The following SNX29 variants were observed in gnomAD, a reference collection of about 807,000 sequenced individuals.
The protein encoded by SNX29 is sorting nexin-29.
Under a neutral mutation model 102.1 loss-of-function variants are expected in SNX29, and 78 were observed. The observed-to-expected ratio is 0.76, with a 90% confidence interval of 0.64 to 0.92. The LOEUF is 0.92. SNX29 is among the 40% of genes least tolerant of loss of function. The pLI, the probability that SNX29 is intolerant of heterozygous loss-of-function variation, is 0.00. For missense variants in SNX29, 1,280 were observed against 1,061.7 expected, an observed-to-expected ratio of 1.21 and a Z score of -2.86; for synonymous variants, 580 against 414.5, an observed-to-expected ratio of 1.40 and a Z score of -4.85.
intron 14 of SNX29, among the ~76,000 whole-genome samples, chr16:12,229,209 C>A (rs983617305): frequency 1.3e-5 from 2 of 152,242 alleles, no homozygotes; most frequent in Non-Finnish European, 2.9e-5. Flanking sequence ...AGTCTGTAAG[C>A]TCCCTGGTAG....
At chr16:12,023,152 C>T (rs2057080719) in intron 3 of SNX29, among the ~76,000 whole-genome samples, 1 of 152,058 alleles carries the variant, frequency 6.6e-6, no homozygotes, top group Non-Finnish European at 1.5e-5. Context: ...CTGCCTTGGC[C>T]TCCCAAAGTG....
At chr16:12,398,574 A>G (rs2083807971) in intron 17 of SNX29, 73 bp downstream of exon 17, 2 of 1,527,648 alleles carry the variant, frequency 1.3e-6, no homozygotes, top group African/African-American at 2.7e-5. Context: ...GTCCCAGAAG[A>G]CCACAGGGGG....
At chr16:12,539,677 C>T (rs551995590) in intron 20 of SNX29, among the ~76,000 whole-genome samples, 8 of 152,204 alleles carry the variant, frequency 5.3e-5, no homozygotes, top group African/African-American at 1.7e-4. Context: ...CCCAGTTGCT[C>T]TGCACCCTGG....
intron 15 of SNX29, among the ~76,000 whole-genome samples, chr16:12,310,030 G>C (rs1254133544): frequency 3.2e-5 from 3 of 95,094 alleles, no homozygotes; most frequent in Non-Finnish European, 6.2e-5. Flanking sequence ...TTGCACACAT[G>C]GATGTGTGCA....
chr16:12,392,295 T>C (rs901619453), intron 16 of SNX29, among the ~76,000 whole-genome samples: 14 of 152,340 alleles, frequency 9.2e-5, no homozygotes, highest in African/African-American at 3.4e-4. Context: ...CCCTAAGTGG[T>C]ATTGCAACAA....
intron 18 of SNX29, among the ~76,000 whole-genome samples, chr16:12,408,089 T>C (rs1164452666): frequency 1.3e-5 from 2 of 151,688 alleles, no homozygotes; most frequent in South Asian, 2.1e-4. Flanking sequence ...GCCCAGGAGT[T>C]TGAGATTGCA....
intron 16 of SNX29, among the ~76,000 whole-genome samples, chr16:12,385,878 G>A (rs1336982002): frequency 6.6e-6 from 1 of 152,224 alleles, no homozygotes; most frequent in Admixed American, 6.5e-5. Flanking sequence ...GGACCAACGG[G>A]ATGTGCAGCC....
At chr16:12,542,486 C>T (rs1039661589) in intron 20 of SNX29, among the ~76,000 whole-genome samples, 1 of 152,200 alleles carries the variant, frequency 6.6e-6, no homozygotes, top group African/African-American at 2.4e-5. Context: ...GACCCACTAC[C>T]ACACCTGGCT....
chr16:12,357,098 T>G (rs570502826), intron 16 of SNX29, among the ~76,000 whole-genome samples: 63 of 152,382 alleles, frequency 4.1e-4, no homozygotes, highest in Non-Finnish European at 5.9e-5. Flanking sequence ...CATCTAACAC[T>G]TGTCCTTTTG....
Position 12,573,023 on chromosome 16 carries a change from G to A in SNX29, c.*4394G>A, listed in dbSNP as rs1008738381. ...TACTGTTAAATATTTGCTGTTTTTAGATTGGCGTCCGTGCTAATTCTGCAG... is the reference window on the plus strand; with the variant it reads ...TACTGTTAAATATTTGCTGTTTTTAAATTGGCGTCCGTGCTAATTCTGCAG... On this transcript the variant is annotated 3_prime_UTR_variant, in exon 21 of 21. Transcript: ENST00000566228. 3.6e-6 allele frequency: 1 copy of A among 275,558 alleles called. No individual in the cohort carries two copies. Among genetic ancestry groups the A allele is most frequent in the African/African-American group, 2.2e-5 (1 of 45,924 alleles). The allele number at this position is 275,558 out of a possible 1,614,324, so 17.1% of individuals were successfully genotyped here.
Position 12,568,776 on chromosome 16 carries a change from C to G in SNX29, c.*147C>G, listed in dbSNP as rs944998670. 6 of 1,237,836 alleles carry G rather than the reference C, an allele frequency of 4.8e-6. No individual in the cohort carries two copies. The South Asian group carries it at 6.1e-5, about 13-fold the overall frequency. The allele number at this position is 1,237,836 out of a possible 1,614,324, so 76.7% of individuals were successfully genotyped here. On this transcript the variant is annotated 3_prime_UTR_variant, in exon 21 of 21. Transcript: ENST00000566228. The stretch of plus-strand genomic sequence containing the variant: ...CGATTCCCAACAGTTACACAACACC[C>G]CGATTAAACTAATCAGTCTTCGAGC...
At chr16:12,417,880 T>C (rs16959556) in intron 18 of SNX29, among the ~76,000 whole-genome samples, 82,469 of 151,586 alleles carry the variant, frequency 0.54, 23,247 homozygotes, top group Non-Finnish European at 0.62. Flanking sequence ...AAGCGCTGTA[T>C]GCCGACAGCG....
At chr16:12,439,331 G>T (rs77140129) in intron 18 of SNX29, among the ~76,000 whole-genome samples, 6 of 152,260 alleles carry the variant, frequency 3.9e-5, no homozygotes, top group Admixed American at 2.0e-4. Context: ...GGGAGTAGTG[G>T]GTCCTGATTT....
chr16:12,091,649 T>C (rs1049962552), intron 11 of SNX29, among the ~76,000 whole-genome samples: 1 of 151,680 alleles, frequency 6.6e-6, no homozygotes, highest in Non-Finnish European at 1.5e-5. Flanking sequence ...GACTTGGTGG[T>C]GCGTGCCTGT....
At chr16:12,001,595 G>GTA (rs755311711) in intron 2 of SNX29, among the ~76,000 whole-genome samples, 101 of 151,742 alleles carry the variant, frequency 6.7e-4, no homozygotes, top group Admixed American at 4.1e-3. Flanking sequence ...AAAATTATAT[G>GTA]TATATACACA....
At chr16:12,555,377 C>T (rs1182785076) in intron 20 of SNX29, among the ~76,000 whole-genome samples, 2 of 152,212 alleles carry the variant, frequency 1.3e-5, no homozygotes, top group South Asian at 2.1e-4. Context: ...GAGGCGCTCC[C>T]TGTCTTTCCC....
chr16:12,240,185 A>G (rs1417989239), intron 14 of SNX29, among the ~76,000 whole-genome samples: 3 of 152,184 alleles, frequency 2.0e-5, no homozygotes, highest in Admixed American at 6.5e-5. Context: ...TGATCTTTAT[A>G]TCCACATTTT....
At chr16:12,183,165 A>G (rs1363763248) in intron 13 of SNX29, among the ~76,000 whole-genome samples, 1 of 151,950 alleles carries the variant, frequency 6.6e-6, no homozygotes, top group Admixed American at 6.6e-5. Context: ...ACACTGGGCT[A>G]ATTTTAAATT....
chr16:12,451,872 T>C lies in SNX29; in HGVS notation c.2038-25847T>C, dbSNP rs116563365. 9.1e-3 allele frequency among the ~76,000 whole-genome samples: 1,386 copies of C among 152,228 alleles called. 29 individuals are homozygous for C. The highest frequency in any genetic ancestry group is 0.032 in the African/African-American group (1,316 of 41,546). ...GAGCAAGACTTCATCTAAAAATAAA[T>C]AAACAAACAGATGGTTTCTAACCAA... On this transcript the variant is annotated intron_variant, in intron 18 of 20. Transcript: ENST00000566228.
Sources: gnomAD v4.1 joint callset for allele counts (sites outside exome capture counted in the v4.1 genomes callset) on GRCh38, gnomAD v4.1.1 for gene constraint, MANE v1.5 for transcripts, NCBI Gene and HGNC (gene_info 2026-07-23, HGNC 2026-07-21) for gene names.